FRMD5: variants seen among roughly 807,000 people sequenced by gnomAD.
FRMD5 encodes FERM domain-containing protein 5.
FRMD5 carries 20 observed loss-of-function variants against 69.0 expected under a neutral mutation model. The ratio of observed to expected loss-of-function variants is 0.29; its 90% CI spans 0.20 to 0.42. The LOEUF is 0.42. Ranked by LOEUF, FRMD5 falls within the 10% of genes least tolerant of loss-of-function variation. FRMD5 has a pLI of 1.00. For synonymous variants in FRMD5, 271 were observed against 260.1 expected (o/e 1.04, Z -0.40); for missense variants, 595 against 708.6 (o/e 0.84, Z 1.82).
At chr15:44,103,143 GC>G (rs2076664856) in intron 1 of FRMD5, among the ~76,000 whole-genome samples, 1 of 152,108 alleles carries the variant, frequency 6.6e-6, no homozygotes, top group Non-Finnish European at 1.5e-5. Flanking sequence ...CATGCCATTT[GC>G]CCTAATGTAA....
chr15:44,067,224 G>C (rs1349244261), intron 1 of FRMD5, among the ~76,000 whole-genome samples: 3 of 152,200 alleles, frequency 2.0e-5, no homozygotes, highest in Admixed American at 1.3e-4. Context: ...CATTTGCATG[G>C]AGAACTGGGG....
Position 44,154,489 on chromosome 15 carries a change from G to T in FRMD5, c.102+40464C>A, listed in dbSNP as rs377261979. On this transcript the variant is annotated intron_variant, in intron 1 of 13. Transcript: ENST00000417257. ...AAGCTTTTACTTTGGGATTAATTTG[G>T]TTTTTAATCCTATGCAACAGTATAA... Among the ~76,000 whole-genome samples, 8 of 152,278 alleles carry T rather than the reference G, an allele frequency of 5.3e-5. No individual in the cohort carries two copies. In the East Asian group the frequency reaches 9.6e-4, roughly 18 times the overall value.
At chr15:43,965,359 C>T (rs192276251) in intron 1 of FRMD5, among the ~76,000 whole-genome samples, 25 of 152,190 alleles carry the variant, frequency 1.6e-4, no homozygotes, top group South Asian at 1.0e-3. Context: ...ACATACACTG[C>T]GCCTAACTTT....
intron 1 of FRMD5, among the ~76,000 whole-genome samples, chr15:44,010,670 C>A (rs1208771068): frequency 1.3e-5 from 2 of 152,192 alleles, no homozygotes; most frequent in African/African-American, 4.8e-5. Flanking sequence ...TAGGCGTGAG[C>A]TACCATGCCT....
intron 1 of FRMD5, among the ~76,000 whole-genome samples, chr15:44,127,037 A>C (rs1406164422): frequency 6.6e-6 from 1 of 152,226 alleles, no homozygotes; most frequent in Non-Finnish European, 1.5e-5. Flanking sequence ...CTAGAGAGGA[A>C]CAATCTTTCT....
chr15:44,114,675 A>T (rs1484600173), intron 1 of FRMD5, among the ~76,000 whole-genome samples: 1 of 152,238 alleles, frequency 6.6e-6, no homozygotes, highest in East Asian at 1.9e-4. Flanking sequence ...CAAAGTTGAA[A>T]ATCACAGAAT....
intron 1 of FRMD5, among the ~76,000 whole-genome samples, chr15:43,976,407 T>C (rs868675997): frequency 6.6e-6 from 1 of 152,288 alleles, no homozygotes; most frequent in Middle Eastern, 3.4e-3. Context: ...AGGACTTGCA[T>C]GTAGAATAAA....
chr15:43,871,390 A>G lies in FRMD5; in HGVS notation c.*2495T>C, dbSNP rs552100950. 1 of 152,256 alleles carries G rather than the reference A, an allele frequency of 6.6e-6. No individual in the cohort carries two copies. The highest frequency in any genetic ancestry group is 1.5e-5 in the Non-Finnish European group (1 of 68,050). The allele number at this position is 152,256 out of a possible 1,614,324, so 9.4% of individuals were successfully genotyped here. A position where few individuals can be genotyped will look rare whatever the true frequency, so the allele number is the denominator to read the frequency against. ...TACTGCATCTGTCTCTAATGTGAAT[A>G]TGAAAGGTCAGAGTTGAGGCTATCA... On this transcript the variant is annotated 3_prime_UTR_variant, in exon 14 of 14. Coordinates refer to ENST00000417257, the MANE Select transcript of FRMD5 (RefSeq NM_032892.5).
chr15:43,955,632 C>A (rs2090102774), intron 1 of FRMD5, among the ~76,000 whole-genome samples: 1 of 141,212 alleles, frequency 7.1e-6, no homozygotes, highest in Admixed American at 6.9e-5. Flanking sequence ...AACCATCAAA[C>A]CTGAATAAGT....
intron 7 of FRMD5, among the ~76,000 whole-genome samples, chr15:43,896,820 A>G (rs1365168961): frequency 6.6e-6 from 1 of 152,172 alleles, no homozygotes; most frequent in Non-Finnish European, 1.5e-5. Context: ...TGAAGCCACT[A>G]TTTCTTATAA....
At chr15:43,991,381 G>A (rs539805260) in intron 1 of FRMD5, among the ~76,000 whole-genome samples, 6 of 152,278 alleles carry the variant, frequency 3.9e-5, no homozygotes, top group South Asian at 4.1e-4. Context: ...TTTGATGTAC[G>A]CAGCTCCCAC....
intron 1 of FRMD5, among the ~76,000 whole-genome samples, chr15:43,975,699 A>T (rs1352402225): frequency 1.3e-5 from 2 of 152,342 alleles, no homozygotes; most frequent in East Asian, 1.9e-4. Context: ...ATTCTCCCCA[A>T]ATTGGTCTAT....
chr15:44,013,699 G>A (rs1268221156), intron 1 of FRMD5, among the ~76,000 whole-genome samples: 1 of 152,162 alleles, frequency 6.6e-6, no homozygotes, highest in African/African-American at 2.4e-5. Context: ...GGTTGAATGA[G>A]GACTTCTTTC....
intron 4 of FRMD5, chr15:43,919,148 C>T: frequency 2.1e-6 from 1 of 469,092 alleles, no homozygotes; most frequent in Non-Finnish European, 4.2e-6. Context: ...CCAAAAATGT[C>T]CACAGTGGCA....
At chr15:44,026,268 C>T (rs912690519) in intron 1 of FRMD5, among the ~76,000 whole-genome samples, 3 of 152,176 alleles carry the variant, frequency 2.0e-5, no homozygotes, top group African/African-American at 7.2e-5. Flanking sequence ...GGCATGAACC[C>T]CCACATCTGG....
At chr15:43,876,747 G>A (rs2088370605) in intron 13 of FRMD5, among the ~76,000 whole-genome samples, 1 of 152,294 alleles carries the variant, frequency 6.6e-6, no homozygotes, top group African/African-American at 2.4e-5. Flanking sequence ...TCTTGAGGGG[G>A]CATGGGAGTA....
chr15:44,126,651 T>G (rs1330231552), intron 1 of FRMD5, among the ~76,000 whole-genome samples: 2 of 152,184 alleles, frequency 1.3e-5, no homozygotes, highest in African/African-American at 4.8e-5. Context: ...CCTCTACTCT[T>G]CATACTCTCC....
intron 1 of FRMD5, among the ~76,000 whole-genome samples, chr15:44,184,970 A>C (rs1305078523): frequency 6.6e-6 from 1 of 152,260 alleles, no homozygotes; most frequent in East Asian, 1.9e-4. Context: ...ATTACAAATT[A>C]GAATATGGGT....
chr15:43,916,684 ATAAG>A (rs1312589574), intron 4 of FRMD5, among the ~76,000 whole-genome samples: 1 of 152,192 alleles, frequency 6.6e-6, no homozygotes, highest in Non-Finnish European at 1.5e-5. Flanking sequence ...AACAAGTAAC[ATAAG>A]TAAGATCTGA....
Sources: gnomAD v4.1 joint callset for allele counts (sites outside exome capture counted in the v4.1 genomes callset) on GRCh38, gnomAD v4.1.1 for gene constraint, MANE v1.5 for transcripts, NCBI Gene and HGNC (gene_info 2026-07-23, HGNC 2026-07-21) for gene names.